CFAP90: variants seen among roughly 807,000 people sequenced by gnomAD.
The protein encoded by CFAP90 is cilia and flagella associated protein 90.
At chr5:7,847,686 C>T in the CFAP90 span, among the ~76,000 whole-genome samples, 33 of 152,230 alleles carry the variant, frequency 2.2e-4, no homozygotes, top group Non-Finnish European at 3.5e-4. Flanking sequence ...CCACTCCCAG[C>T]GGACCTCCTT....
the CFAP90 span, chr5:7,831,858 G>A: frequency 6.2e-7 from 1 of 1,612,406 alleles, no homozygotes; most frequent in Non-Finnish European, 8.5e-7. Flanking sequence ...CTTCAGGATG[G>A]AGCAATGTGC....
the CFAP90 span, among the ~76,000 whole-genome samples, chr5:7,835,757 C>G: frequency 6.6e-6 from 1 of 152,178 alleles, no homozygotes; most frequent in Non-Finnish European, 1.5e-5. Flanking sequence ...TCAACTTTCT[C>G]CTCCCTTGTT....
the CFAP90 span, among the ~76,000 whole-genome samples, chr5:7,842,963 A>T: frequency 6.6e-6 from 1 of 152,186 alleles, no homozygotes; most frequent in African/African-American, 2.4e-5. Flanking sequence ...TTTTGGGTTT[A>T]GGGTGTGTTT....
At chr5:7,844,798 G>A in the CFAP90 span, among the ~76,000 whole-genome samples, 1 of 152,142 alleles carries the variant, frequency 6.6e-6, no homozygotes. Flanking sequence ...GAGTGGCTGA[G>A]TGTGTGTGGT....
the CFAP90 span, among the ~76,000 whole-genome samples, chr5:7,835,743 C>T: frequency 6.6e-6 from 1 of 152,188 alleles, no homozygotes; most frequent in African/African-American, 2.4e-5. Flanking sequence ...TTTCATGGCA[C>T]TTCTCAACTT....
the CFAP90 span, among the ~76,000 whole-genome samples, chr5:7,838,892 T>A: frequency 6.6e-6 from 1 of 152,206 alleles, no homozygotes; most frequent in Admixed American, 6.6e-5. Flanking sequence ...TCAAACCCTA[T>A]AATGCTCCCT....
At chr5:7,843,025 G>A in the CFAP90 span, among the ~76,000 whole-genome samples, 1 of 152,144 alleles carries the variant, frequency 6.6e-6, no homozygotes, top group Non-Finnish European at 1.5e-5. Context: ...ACCTATGAGT[G>A]GGCTACCTCA....
the CFAP90 span, among the ~76,000 whole-genome samples, chr5:7,848,272 G>A: frequency 4.6e-5 from 7 of 151,954 alleles, no homozygotes; most frequent in Non-Finnish European, 8.8e-5. Flanking sequence ...GAGGATAATC[G>A]AGCCTGGGAG....
the CFAP90 span, among the ~76,000 whole-genome samples, chr5:7,837,858 A>T: frequency 6.6e-6 from 1 of 152,208 alleles, no homozygotes; most frequent in Non-Finnish European, 1.5e-5. Context: ...CTTAGTTCAG[A>T]GTCACTCTAA....
the CFAP90 span, chr5:7,831,559 A>G: frequency 3.5e-6 from 1 of 282,864 alleles, no homozygotes; most frequent in Non-Finnish European, 6.6e-6. Flanking sequence ...TCAGGTGCTC[A>G]CAATGAATCG....
chr5:7,842,671 G>T, the CFAP90 span, among the ~76,000 whole-genome samples: 2 of 152,088 alleles, frequency 1.3e-5, no homozygotes, highest in African/African-American at 4.8e-5. Flanking sequence ...TGCACCAAGA[G>T]CCTCCCTGGA....
chr5:7,835,447 C>A, the CFAP90 span: 1 of 1,606,532 alleles, frequency 6.2e-7, no homozygotes, highest in Non-Finnish European at 8.5e-7. Flanking sequence ...AACTTCTGAT[C>A]ATAATCTAGG....
At chr5:7,850,469 T>C in the CFAP90 span, among the ~76,000 whole-genome samples, 1 of 149,370 alleles carries the variant, frequency 6.7e-6, no homozygotes, top group Non-Finnish European at 1.5e-5. Flanking sequence ...CGTTGTGAGC[T>C]CCTCTCTCCA....
chr5:7,837,632 A>T, the CFAP90 span, among the ~76,000 whole-genome samples: 1 of 152,222 alleles, frequency 6.6e-6, no homozygotes, highest in Admixed American at 6.5e-5. Context: ...GCCAATCCTT[A>T]GCAAATCATT....
At chr5:7,830,778 T>A in the CFAP90 span, 4 of 152,230 alleles carry the variant, frequency 2.6e-5, no homozygotes, top group Admixed American at 2.6e-4. Context: ...GGAAATTTAA[T>A]CATGGTAGAT....
At chr5:7,834,462 G>T in the CFAP90 span, among the ~76,000 whole-genome samples, 10 of 152,146 alleles carry the variant, frequency 6.6e-5, no homozygotes, top group African/African-American at 2.4e-4. Flanking sequence ...GTAAGCTAAG[G>T]TTCATTTATT....
chr5:7,850,172 T>C, the CFAP90 span, among the ~76,000 whole-genome samples: 10 of 152,246 alleles, frequency 6.6e-5, no homozygotes, highest in South Asian at 2.1e-3. Context: ...GGGGTTCAGC[T>C]GACACTGGTA....
chr5:7,831,615 C>T, the CFAP90 span: 1 of 401,134 alleles, frequency 2.5e-6, no homozygotes, highest in African/African-American at 2.0e-5. Flanking sequence ...TGAAAATCAT[C>T]ACATCAGAGA....
At chr5:7,849,799 T>C in the CFAP90 span, among the ~76,000 whole-genome samples, 1 of 140,328 alleles carries the variant, frequency 7.1e-6, no homozygotes, top group Admixed American at 7.5e-5. Flanking sequence ...CTATTCCTTC[T>C]GGTCTTCGGT....
Sources: gnomAD v4.1 joint callset for allele counts (sites outside exome capture counted in the v4.1 genomes callset) on GRCh38, gnomAD v4.1.1 for gene constraint, MANE v1.5 for transcripts, NCBI Gene and HGNC (gene_info 2026-07-23, HGNC 2026-07-21) for gene names.